ZNF618: variants seen among roughly 807,000 people sequenced by gnomAD.
The protein encoded by ZNF618 is zinc finger protein 618.
In ZNF618, 34 loss-of-function variants were observed where a neutral mutation model predicts 103.0. The observed-to-expected ratio is 0.33, with a 90% CI of 0.25 to 0.44. The LOEUF is 0.44. Among genes scored for constraint, ZNF618 ranks in the 20% least tolerant of loss-of-function variants. The pLI is 1.00. For synonymous variants in ZNF618, 551 were observed against 542.2 expected (o/e 1.02, Z -0.23); for missense variants, 1,059 against 1,295.4 (o/e 0.82, Z 2.80).
chr9:113,927,944 T>C (rs1262425301), intron 1 of ZNF618, among the ~76,000 whole-genome samples: 1 of 152,224 alleles, frequency 6.6e-6, no homozygotes, highest in Non-Finnish European at 1.5e-5. Flanking sequence ...CTCTCCACTT[T>C]TAGGGGCAGT....
intron 1 of ZNF618, among the ~76,000 whole-genome samples, chr9:113,913,472 T>C (rs1012354943): frequency 1.3e-5 from 2 of 152,338 alleles, no homozygotes; most frequent in African/African-American, 2.4e-5. Flanking sequence ...TATCCAGTTG[T>C]GAGGAACCTG....
intron 2 of ZNF618, among the ~76,000 whole-genome samples, chr9:113,974,384 C>T (rs1838290650): frequency 6.6e-6 from 1 of 152,208 alleles, no homozygotes; most frequent in African/African-American, 2.4e-5. Context: ...CACGGAGGCC[C>T]TTGGAGACCG....
At chr9:113,884,931 C>T (rs1416773854) in intron 1 of ZNF618, among the ~76,000 whole-genome samples, 1 of 152,172 alleles carries the variant, frequency 6.6e-6, no homozygotes, top group Non-Finnish European at 1.5e-5. Flanking sequence ...GCTTTTCCTG[C>T]CCTGTGTGTA....
intron 10 of ZNF618, among the ~76,000 whole-genome samples, chr9:114,026,797 T>G (rs918017731): frequency 6.6e-6 from 1 of 152,242 alleles, no homozygotes; most frequent in Non-Finnish European, 1.5e-5. Context: ...TCTGAGACTT[T>G]CTTGGATTCC....
chr9:114,025,804 A>G lies in ZNF618; in HGVS notation c.845-2929A>G, dbSNP rs528558050. On this transcript the variant is annotated intron_variant, in intron 10 of 14. Coordinates refer to ENST00000374126, the MANE Select transcript of ZNF618 (RefSeq NM_001318042.2). ...CATTATGTGCCCTCATTGGGATCCC[A>G]TCTTTGATGTGCTCTTCTTCAGCAG... Among the ~76,000 whole-genome samples, 14 of 152,318 alleles carry G rather than the reference A, an allele frequency of 9.2e-5. 1 individual carries two copies. In the South Asian group the frequency reaches 2.9e-3, roughly 32 times the overall value.
chr9:113,999,327 T>A (rs1409362043), intron 4 of ZNF618, among the ~76,000 whole-genome samples: 1 of 148,864 alleles, frequency 6.7e-6, no homozygotes, highest in Non-Finnish European at 1.5e-5. Context: ...GGTTTTAGGC[T>A]GAGCGAGGGG....
At chr9:114,011,667 A>G (rs1483691308) in intron 9 of ZNF618, among the ~76,000 whole-genome samples, 1 of 152,246 alleles carries the variant, frequency 6.6e-6, no homozygotes, top group Non-Finnish European at 1.5e-5. Context: ...CTGATTGCCC[A>G]AGTAAAGCTC....
intron 1 of ZNF618, among the ~76,000 whole-genome samples, chr9:113,951,656 C>T (rs1408784424): frequency 1.3e-5 from 2 of 150,122 alleles, no homozygotes; most frequent in East Asian, 4.0e-4. Flanking sequence ...TCTAGTATTT[C>T]CAGAGGATGA....
intron 1 of ZNF618, among the ~76,000 whole-genome samples, chr9:113,898,440 T>TG (rs1161782636): frequency 1.2e-4 from 18 of 147,204 alleles, no homozygotes; most frequent in Non-Finnish European, 2.0e-4. Flanking sequence ...GATTTTTCGT[T>TG]TTTTTTTTTT....
Position 114,049,641 on chromosome 9 carries a change from C to T in ZNF618, c.2339C>T (p.Thr780Ile), listed in dbSNP as rs766989397. 2 of 1,613,856 alleles carry T rather than the reference C, an allele frequency of 1.2e-6. No individual in the cohort carries two copies. The highest frequency in any genetic ancestry group is 2.7e-5 in the African/African-American group (2 of 75,076). ...ACGGCCAAGGCCAACGACGCAGGCACTGTCAGCAAGCTCTGCCACCTCTTC... is the reference window on the plus strand; with the variant it reads ...ACGGCCAAGGCCAACGACGCAGGCATTGTCAGCAAGCTCTGCCACCTCTTC... ...LFTAKANDAG[T>I]VSKLCHLFLE... Residue 780 changes from threonine to isoleucine, a missense_variant, in exon 15 of 15, where the codon ACT becomes ATT. Around this residue, in one of 6 missense-constraint regions of ZNF618, gnomAD observed 272 missense variants for 380.1 expected, o/e 0.72. Transcript: ENST00000374126.
At chr9:113,946,085 G>T (rs774688283) in intron 1 of ZNF618, among the ~76,000 whole-genome samples, 1 of 152,150 alleles carries the variant, frequency 6.6e-6, no homozygotes, top group Non-Finnish European at 1.5e-5. Flanking sequence ...CTAGAATAAT[G>T]CAAGGCCTTG....
intron 1 of ZNF618, among the ~76,000 whole-genome samples, chr9:113,906,600 C>G (rs1016720777): frequency 6.6e-6 from 1 of 152,116 alleles, no homozygotes; most frequent in Admixed American, 6.5e-5. Flanking sequence ...TAATTTAATT[C>G]TGCACCACAA....
chr9:114,042,982 T>A (rs1845346825), intron 13 of ZNF618, among the ~76,000 whole-genome samples: 1 of 152,258 alleles, frequency 6.6e-6, no homozygotes, highest in African/African-American at 2.4e-5. Context: ...TATGGAGTTC[T>A]ACGGTATTTA....
intron 14 of ZNF618, 127 bp downstream of exon 14, chr9:114,048,121 C>A: frequency 1.2e-6 from 1 of 822,672 alleles, no homozygotes; most frequent in African/African-American, 1.7e-5. Context: ...GTTTCCAAAG[C>A]ACTTTTACAC....
At chr9:114,039,014 G>A (rs538864640) in intron 13 of ZNF618, among the ~76,000 whole-genome samples, 10 of 152,236 alleles carry the variant, frequency 6.6e-5, no homozygotes, top group South Asian at 2.1e-4. Context: ...CTAACGAAAC[G>A]GAGGCACAAA....
chr9:113,971,492 A>G (rs1407892493), intron 2 of ZNF618, among the ~76,000 whole-genome samples: 1 of 152,088 alleles, frequency 6.6e-6, no homozygotes, highest in Non-Finnish European at 1.5e-5. Flanking sequence ...GTTAGGTGCT[A>G]ATTTATTCAC....
At position 113,912,045 on chromosome 9, in the gene ZNF618, G is replaced by A. The variant is rs577850370; in HGVS notation, c.33+35632G>A. On this transcript the variant is annotated intron_variant, in intron 1 of 14. Coordinates refer to ENST00000374126, the MANE Select transcript of ZNF618 (RefSeq NM_001318042.2). ...AGATTCTGATTCAGCAGGTGTGGGC[G>A]GGGCCTGAGAGTCTTCATTTCTAAT... Among the ~76,000 whole-genome samples the A allele has an allele frequency of 1.5e-4, 23 of 152,264 alleles. 1 individual carries two copies. In the South Asian group the frequency reaches 4.4e-3, roughly 29 times the overall value.
chr9:113,976,745 T>C (rs565230361), intron 2 of ZNF618, among the ~76,000 whole-genome samples: 19 of 152,322 alleles, frequency 1.2e-4, no homozygotes, highest in Non-Finnish European at 2.1e-4. Context: ...TTATGAGTAC[T>C]CCACTGACAG....
At chr9:113,961,531 C>T (rs1050128075) in intron 1 of ZNF618, among the ~76,000 whole-genome samples, 1 of 152,222 alleles carries the variant, frequency 6.6e-6, no homozygotes. Flanking sequence ...CCAGCTCTTT[C>T]AGGCCAGGGT....
Sources: gnomAD v4.1 joint callset for allele counts (sites outside exome capture counted in the v4.1 genomes callset) on GRCh38, gnomAD v4.1.1 for gene constraint, gnomAD v4.1.1 regional missense constraint, MANE v1.5 for transcripts, NCBI Gene and HGNC (gene_info 2026-07-23, HGNC 2026-07-21) for gene names.